CEP128: variants seen among roughly 807,000 people sequenced by gnomAD.
CEP128 encodes the protein centrosomal protein 128.
In CEP128, 132 loss-of-function variants were observed where a neutral mutation model predicts 156.7. The ratio of observed to expected loss-of-function variants is 0.84; its 90% CI spans 0.73 to 0.97. The LOEUF (loss-of-function observed/expected upper bound fraction) is 0.97. CEP128 is among the 50% of genes least tolerant of loss of function. The pLI is 0.00. For missense variants in CEP128, 1,252 were observed against 1,281.9 expected, an observed-to-expected ratio of 0.98 and a Z score of 0.36; for synonymous variants, 469 against 448.9, an observed-to-expected ratio of 1.04 and a Z score of -0.57.
rs527339422 is a variant in CEP128, at chr14:80,857,750, C to T, written c.762+5007G>A. 2.3e-3 allele frequency among the ~76,000 whole-genome samples: 286 copies of T among 124,482 alleles called. 4 individuals are homozygous for T. The highest frequency in any genetic ancestry group is 6.5e-3 in the African/African-American group (244 of 37,716). 81.7% of individuals were successfully genotyped at this position (124,482 alleles called of 152,430 possible). A position where few individuals can be genotyped will look rare whatever the true frequency, so the allele number is the denominator to read the frequency against. On this transcript the variant is annotated intron_variant, in intron 9 of 24. Transcript: ENST00000555265. Reference sequence around the variant, plus strand: ...ACCCCATCTCAAAAAAAAACAACAACAACAACAACAACAACAACAAAAAAC... The same window carrying T: ...ACCCCATCTCAAAAAAAAACAACAATAACAACAACAACAACAACAAAAAAC...
chr14:80,947,692 C>A (rs1043010735), intron 2 of CEP128, among the ~76,000 whole-genome samples: 1 of 152,032 alleles, frequency 6.6e-6, no homozygotes, highest in African/African-American at 2.4e-5. Context: ...AGATTCCCCC[C>A]AAAAGAAAAG....
At chr14:80,883,357 C>G (rs1379647904) in intron 8 of CEP128, among the ~76,000 whole-genome samples, 3 of 151,902 alleles carry the variant, frequency 2.0e-5, no homozygotes, top group Non-Finnish European at 4.4e-5. Context: ...CCTAAAGACT[C>G]CATCAAAAAA....
chr14:80,527,166 A>G (rs1318597765), intron 22 of CEP128, 184 bp from the exon 23 acceptor site: 3 of 558,420 alleles, frequency 5.4e-6, no homozygotes, highest in East Asian at 6.5e-5. Context: ...CAGTGGCTCA[A>G]ACCTGTAATC....
intron 15 of CEP128, among the ~76,000 whole-genome samples, chr14:80,778,737 T>C (rs561142357): frequency 5.9e-5 from 9 of 152,314 alleles, no homozygotes; most frequent in Non-Finnish European, 1.0e-4. Flanking sequence ...AAATAAACTT[T>C]GGAAATAATC....
intron 20 of CEP128, among the ~76,000 whole-genome samples, chr14:80,561,613 T>C (rs941253699): frequency 2.0e-5 from 3 of 152,146 alleles, no homozygotes; most frequent in Non-Finnish European, 4.4e-5. Flanking sequence ...CCCTATACCA[T>C]GGGTTTGAGG....
chr14:80,749,723 A>G (rs1451319621), intron 18 of CEP128, among the ~76,000 whole-genome samples: 1 of 152,196 alleles, frequency 6.6e-6, no homozygotes, highest in African/African-American at 2.4e-5. Flanking sequence ...GGTGGTTACA[A>G]TGAACAATAA....
chr14:80,867,027 AT>A (rs1788915270), intron 8 of CEP128, among the ~76,000 whole-genome samples: 2 of 152,014 alleles, frequency 1.3e-5, no homozygotes, highest in African/African-American at 4.8e-5. Context: ...CTCAGTATAT[AT>A]TTTTTTTCTT....
chr14:80,750,711 A>C (rs995921216), intron 18 of CEP128, among the ~76,000 whole-genome samples: 17 of 152,328 alleles, frequency 1.1e-4, no homozygotes, highest in African/African-American at 4.1e-4. Flanking sequence ...AGAAACAATA[A>C]ATCTGTTTTG....
At chr14:80,563,549 T>G (rs1053099729) in intron 20 of CEP128, among the ~76,000 whole-genome samples, 10 of 123,866 alleles carry the variant, frequency 8.1e-5, no homozygotes, top group Non-Finnish European at 1.2e-4. Flanking sequence ...TTTTTTTTTT[T>G]TGAGATGGAA....
downstream of CEP128, among the ~76,000 whole-genome samples, chr14:80,495,831 T>C (rs550619904): frequency 1.3e-5 from 2 of 152,290 alleles, no homozygotes; most frequent in South Asian, 4.1e-4. Context: ...CCTCATATTT[T>C]CTTCTCTGCT....
intron 9 of CEP128, among the ~76,000 whole-genome samples, chr14:80,849,731 GA>G (rs1408578543): frequency 6.6e-6 from 1 of 151,794 alleles, no homozygotes; most frequent in Non-Finnish European, 1.5e-5. Context: ...AACAACTAAA[GA>G]AAAAATAGGC....
intron 2 of CEP128, among the ~76,000 whole-genome samples, chr14:80,933,573 T>C (rs772838141): frequency 2.0e-5 from 3 of 152,212 alleles, no homozygotes; most frequent in Non-Finnish European, 2.9e-5. Flanking sequence ...TGACCTGTGG[T>C]AAGCTAAATT....
chr14:80,956,064 A>G (rs1886659931), intron 2 of CEP128: 3 of 627,304 alleles, frequency 4.8e-6, no homozygotes, highest in Non-Finnish European at 8.5e-6. Context: ...CTCATTCCCA[A>G]CACAGGAAAA....
At chr14:80,737,320 C>T (rs1200529225) in intron 19 of CEP128, among the ~76,000 whole-genome samples, 1 of 151,980 alleles carries the variant, frequency 6.6e-6, no homozygotes, top group East Asian at 1.9e-4. Flanking sequence ...AGGAGAATTG[C>T]TTGAACCTAG....
At chr14:80,479,400 G>A (rs1044744030) in intron 14 of CEP128, among the ~76,000 whole-genome samples, 1 of 152,158 alleles carries the variant, frequency 6.6e-6, no homozygotes, top group African/African-American at 2.4e-5. Flanking sequence ...CATGGCTGGA[G>A]AGGCCTCAGA....
chr14:80,772,546 C>T (rs1010159514), intron 16 of CEP128, among the ~76,000 whole-genome samples: 1 of 152,078 alleles, frequency 6.6e-6, no homozygotes, highest in Non-Finnish European at 1.5e-5. Context: ...ACCTGGGTAC[C>T]AAGAGAGCAC....
chr14:80,820,346 C>T (rs1220305225), intron 13 of CEP128, among the ~76,000 whole-genome samples: 4 of 152,142 alleles, frequency 2.6e-5, no homozygotes, highest in Non-Finnish European at 5.9e-5. Flanking sequence ...ATCATACAAA[C>T]CTCTGAATGA....
Position 80,778,019 on chromosome 14 carries a change from C to T in CEP128, c.2239G>A (p.Ala747Thr), listed in dbSNP as rs1199216959. The change falls in exon 16 of 25, where the codon GCT becomes ACT. Residue 747 changes from alanine (A) to threonine (T), a missense_variant. Coordinates refer to ENST00000555265, the MANE Select transcript of CEP128 (RefSeq NM_152446.5). ...TCCAGCTGACCACGATGAATTTTAG[C>T]CATATTCTTCTCTTCTAAACTTTCA... ...KAESLEEKNM[A>T]KIHRGQLEKL... is the part of the protein sequence containing the mutation. 1.9e-6 allele frequency: 3 copies of T among 1,613,228 alleles called. No homozygotes were observed. The highest frequency in any genetic ancestry group is 2.5e-6 in the Non-Finnish European group (3 of 1,179,808).
At chr14:80,673,696 A>G (rs1432115757) in intron 19 of CEP128, among the ~76,000 whole-genome samples, 1 of 148,928 alleles carries the variant, frequency 6.7e-6, no homozygotes, top group African/African-American at 2.5e-5. Flanking sequence ...GGGATCTCAC[A>G]TTCGGAAACG....
Sources: gnomAD v4.1 joint callset for allele counts (sites outside exome capture counted in the v4.1 genomes callset) on GRCh38, gnomAD v4.1.1 for gene constraint, MANE v1.5 for transcripts, NCBI Gene and HGNC (gene_info 2026-07-23, HGNC 2026-07-21) for gene names.